FGF12: variants seen among roughly 807,000 people sequenced by gnomAD.
FGF12 encodes fibroblast growth factor 12B.
FGF12 carries 14 observed loss-of-function variants against 23.6 expected under a neutral mutation model. That is an observed-to-expected ratio of 0.59 (90% confidence interval 0.39 to 0.93). FGF12 has a LOEUF of 0.93. Among genes scored for constraint, FGF12 ranks in the 40% least tolerant of loss-of-function variants. The probability of loss-of-function intolerance (pLI) is 0.00; values close to 1 mark genes in which losing one functional copy is unlikely to be tolerated. For missense variants in FGF12, 175 were observed against 217.8 expected (o/e 0.80, Z 1.24); for synonymous variants, 62 against 77.3 (o/e 0.80, Z 1.04).
At chr3:192,568,208 G>A (rs1712434523) in intron 2 of FGF12, among the ~76,000 whole-genome samples, 3 of 152,106 alleles carry the variant, frequency 2.0e-5, no homozygotes, top group Admixed American at 2.0e-4. Context: ...GATTTCATCT[G>A]CAGAACTACA....
At chr3:192,146,272 A>ATCTT (rs746233904) in intron 5 of FGF12, among the ~76,000 whole-genome samples, 1 of 143,254 alleles carries the variant, frequency 7.0e-6, no homozygotes, top group Admixed American at 6.9e-5. Context: ...TAAAGTGTAT[A>ATCTT]TTTTTTTTTT....
chr3:192,383,335 T>G (rs1719905985), intron 2 of FGF12, among the ~76,000 whole-genome samples: 1 of 152,144 alleles, frequency 6.6e-6, no homozygotes, highest in Admixed American at 6.6e-5. Flanking sequence ...TAAAGTCCAT[T>G]GTATCCTTGC....
At chr3:192,501,349 T>G (rs1005944528) in intron 2 of FGF12, among the ~76,000 whole-genome samples, 3 of 152,214 alleles carry the variant, frequency 2.0e-5, no homozygotes, top group Non-Finnish European at 4.4e-5. Context: ...AAGTTTTAGG[T>G]GTATTGGTGT....
intron 4 of FGF12, among the ~76,000 whole-genome samples, chr3:192,259,494 A>G (rs2108615651): frequency 6.6e-6 from 1 of 152,300 alleles, no homozygotes; most frequent in Non-Finnish European, 1.5e-5. Flanking sequence ...TTAGATTGGA[A>G]CAAGGAAAGT....
intron 4 of FGF12, among the ~76,000 whole-genome samples, chr3:192,261,461 A>G (rs1223498935): frequency 6.6e-6 from 1 of 152,170 alleles, no homozygotes; most frequent in Non-Finnish European, 1.5e-5. Context: ...CACCTGGGAG[A>G]GGATTTAACT....
rs114658723 is a variant in FGF12 at position 192,622,096 on chromosome 3, A to G, written c.13+105085T>C. On this transcript the variant is annotated intron_variant, in intron 2 of 5. Coordinates refer to ENST00000445105, the MANE Select transcript of FGF12 (RefSeq NM_004113.6). Reference sequence around the variant, plus strand: ...CTGTTGTCAAATGGCATGGGCACAAATAAATACGCACAGCATGGCTTCTCT... The same window carrying G: ...CTGTTGTCAAATGGCATGGGCACAAGTAAATACGCACAGCATGGCTTCTCT... Among the ~76,000 whole-genome samples, 354 of 152,248 alleles carry G rather than the reference A, an allele frequency of 2.3e-3. 3 individuals are homozygous for G. The highest frequency in any genetic ancestry group is 8.0e-3 in the African/African-American group (334 of 41,560).
chr3:192,490,136 G>C (rs1473964439), intron 2 of FGF12, among the ~76,000 whole-genome samples: 1 of 151,958 alleles, frequency 6.6e-6, no homozygotes, highest in Non-Finnish European at 1.5e-5. Context: ...GGTTTTTTTA[G>C]TAGCTCAGGA....
chr3:192,533,038 T>G (rs1389998602), intron 2 of FGF12, among the ~76,000 whole-genome samples: 1 of 152,202 alleles, frequency 6.6e-6, no homozygotes, highest in Non-Finnish European at 1.5e-5. Context: ...GACACCATCT[T>G]ACTCAGAGTT....
chr3:192,631,605 G>T (rs1468163938), intron 2 of FGF12, among the ~76,000 whole-genome samples: 1 of 152,112 alleles, frequency 6.6e-6, no homozygotes, highest in African/African-American at 2.4e-5. Flanking sequence ...TATTTAAAGT[G>T]GAGCTCTAAA....
chr3:192,270,921 A>C (rs1713397556), intron 4 of FGF12, among the ~76,000 whole-genome samples: 1 of 152,126 alleles, frequency 6.6e-6, no homozygotes, highest in Non-Finnish European at 1.5e-5. Flanking sequence ...CACCAAAAAC[A>C]CCTCAAATTC....
At chr3:192,287,229 T>C (rs1452939688) in intron 4 of FGF12, among the ~76,000 whole-genome samples, 1 of 152,064 alleles carries the variant, frequency 6.6e-6, no homozygotes, top group Non-Finnish European at 1.5e-5. Context: ...CTAATTCCCT[T>C]AGTGTTACTT....
chr3:192,619,163 A>G (rs1194113970), intron 2 of FGF12, among the ~76,000 whole-genome samples: 1 of 151,968 alleles, frequency 6.6e-6, no homozygotes, highest in Non-Finnish European at 1.5e-5. Context: ...AGATTTTTTA[A>G]TTGGCTGCCT....
At chr3:192,575,867 T>C (rs144571055) in intron 2 of FGF12, among the ~76,000 whole-genome samples, 4 of 152,324 alleles carry the variant, frequency 2.6e-5, no homozygotes, top group African/African-American at 7.2e-5. Context: ...AGTTAATACA[T>C]TGTAATTATT....
chr3:192,474,118 T>A (rs1380993670), intron 2 of FGF12, among the ~76,000 whole-genome samples: 1 of 152,258 alleles, frequency 6.6e-6, no homozygotes, highest in Non-Finnish European at 1.5e-5. Flanking sequence ...AGGATAAGAA[T>A]GATATCATAT....
rs1282590972 is a variant in FGF12 at position 192,148,681 on chromosome 3, A to G, written c.428-4554T>C. Among the ~76,000 whole-genome samples, 4 of 152,230 alleles carry G rather than the reference A, an allele frequency of 2.6e-5. No homozygotes were observed. The South Asian group carries it at 6.2e-4, about 24-fold the overall frequency. ...CTGAATTGTCCTGAGTATAAGGTAT[A>G]AGAAGTGACTATTAAAGCCAGAGGT... On this transcript the variant is annotated intron_variant, in intron 5 of 5. Transcript: ENST00000445105.
intron 4 of FGF12, among the ~76,000 whole-genome samples, chr3:192,171,510 G>GACTT (rs1203419269): frequency 1.3e-5 from 2 of 152,156 alleles, no homozygotes; most frequent in African/African-American, 2.4e-5. Context: ...CTTGTTTAGT[G>GACTT]ACTTATAATG....
chr3:192,148,655 C>G (rs1197119333), intron 5 of FGF12, among the ~76,000 whole-genome samples: 1 of 152,114 alleles, frequency 6.6e-6, no homozygotes, highest in Non-Finnish European at 1.5e-5. Flanking sequence ...AACAACTTGT[C>G]CTGAATTGTC....
chr3:192,408,460 G>T lies in FGF12; in HGVS notation c.14-47922C>A, dbSNP rs1424576905. ...TAAACTTCCCCAACCTCTGGCGGCC[G>T]GGGGGCGGGGCGGGGCGGTCCCAGG... On this transcript the variant is annotated intron_variant, in intron 2 of 5. Transcript: ENST00000445105. This position sits in a 1 kb window ranked among gnomAD's most constrained non-coding sequence, Gnocchi z 7.3. The T allele has an allele frequency of 5.2e-6, 7 of 1,355,910 alleles. No individual in the cohort carries two copies. Among genetic ancestry groups the T allele is most frequent in the Admixed American group, 7.0e-5 (2 of 28,384 alleles). The allele number at this position is 1,355,910 out of a possible 1,614,324, so 84.0% of individuals were successfully genotyped here.
At chr3:192,286,728 T>C (rs919804707) in intron 4 of FGF12, among the ~76,000 whole-genome samples, 7 of 152,066 alleles carry the variant, frequency 4.6e-5, no homozygotes, top group Non-Finnish European at 1.0e-4. Context: ...GTTCTGAGTA[T>C]ACTCTTGAGA....
Sources: allele counts gnomAD v4.1 joint callset (sites outside exome capture counted in the v4.1 genomes callset), GRCh38; gene constraint gnomAD v4.1.1; non-coding constraint Gnocchi (gnomAD v3.1); transcripts MANE v1.5; gene names NCBI Gene and HGNC (gene_info 2026-07-23, HGNC 2026-07-21).